Variants in SOX5 observed in about 807,000 individuals in gnomAD.
SOX5 encodes the protein transcription factor SOX-5.
Under a neutral mutation model 92.0 loss-of-function variants are expected in SOX5, and 9 were observed. That is an observed-to-expected ratio of 0.10 (90% CI 0.06 to 0.17). The LOEUF is 0.17. SOX5 is among the 10% of genes least tolerant of loss of function. SOX5 has a pLI of 1.00. For synonymous variants in SOX5, 344 were observed against 336.3 expected, an observed-to-expected ratio of 1.02 and a Z score of -0.25; for missense variants, 642 against 944.5, an observed-to-expected ratio of 0.68 and a Z score of 4.20.
chr12:23,588,324 C>G (rs1233665820), intron 9 of SOX5, among the ~76,000 whole-genome samples: 1 of 151,996 alleles, frequency 6.6e-6, no homozygotes, highest in Non-Finnish European at 1.5e-5. Flanking sequence ...TGTATCAAAG[C>G]TCTCACAGAA....
intron 4 of SOX5, among the ~76,000 whole-genome samples, chr12:24,170,436 T>A (rs1300493392): frequency 6.6e-6 from 1 of 152,136 alleles, no homozygotes; most frequent in African/African-American, 2.4e-5. Flanking sequence ...AAGTCACTGC[T>A]CTTCTCGATA....
At chr12:24,177,270 C>T (rs1375537530) in intron 4 of SOX5, among the ~76,000 whole-genome samples, 1 of 152,192 alleles carries the variant, frequency 6.6e-6, no homozygotes, top group African/African-American at 2.4e-5. Context: ...GATCCCATAG[C>T]TGGCTTATAC....
chr12:23,768,490 C>G (rs925808485), intron 3 of SOX5, among the ~76,000 whole-genome samples: 1 of 152,314 alleles, frequency 6.6e-6, no homozygotes, highest in South Asian at 2.1e-4. Context: ...AAAAACTTCA[C>G]TGGCCTCAAC....
intron 3 of SOX5, among the ~76,000 whole-genome samples, chr12:23,783,256 TC>T (rs2095317166): frequency 6.6e-6 from 1 of 152,186 alleles, no homozygotes; most frequent in African/African-American, 2.4e-5. Flanking sequence ...TTTTTTATGT[TC>T]CCCTTATAAA....
intron 6 of SOX5, among the ~76,000 whole-genome samples, chr12:23,686,098 A>T (rs551885786): frequency 1.3e-5 from 2 of 152,310 alleles, no homozygotes; most frequent in African/African-American, 4.8e-5. Context: ...CAGGTAATGA[A>T]GTGAGCTATA....
At chr12:23,554,772 C>A (rs990189854) in intron 11 of SOX5, among the ~76,000 whole-genome samples, 1 of 152,130 alleles carries the variant, frequency 6.6e-6, no homozygotes. Flanking sequence ...ATGCGACATT[C>A]CTCCTATTTT....
chr12:24,510,987 AC>A (rs1036288946), intron 1 of SOX5, among the ~76,000 whole-genome samples: 2 of 152,194 alleles, frequency 1.3e-5, no homozygotes, highest in Non-Finnish European at 2.9e-5. Flanking sequence ...GTTAATAATG[AC>A]TTGCTTCACA....
At chr12:23,896,175 A>G (rs1363933938) in intron 1 of SOX5, 151 bp from the exon 2 acceptor site, 15 of 620,382 alleles carry the variant, frequency 2.4e-5, no homozygotes, top group Non-Finnish European at 4.0e-5. Context: ...AGCACACACA[A>G]TCAGAAACAA....
chr12:24,416,056 T>C (rs1368876071), intron 1 of SOX5, among the ~76,000 whole-genome samples: 2 of 152,196 alleles, frequency 1.3e-5, no homozygotes, highest in Non-Finnish European at 2.9e-5. Flanking sequence ...ACGGGAAGAC[T>C]TGGAGCTGCA....
At chr12:23,953,823 T>C (rs1945952273), upstream of SOX5, among the ~76,000 whole-genome samples, 1 of 151,958 alleles carries the variant, frequency 6.6e-6, no homozygotes, top group East Asian at 1.9e-4. Context: ...CAATAAAAGT[T>C]TTACATTGAA....
chr12:23,659,347 G>C lies in SOX5; in HGVS notation c.931+6097C>G, dbSNP rs538229687. On this transcript the variant is annotated intron_variant, in intron 7 of 14. Coordinates refer to ENST00000451604, the MANE Select transcript of SOX5 (RefSeq NM_006940.6). The stretch of plus-strand genomic sequence containing the variant: ...GGTGTATGAGGAACTAATTAACTGA[G>C]AGTTTCCCTTTTTATTGGAAACGGA... Among the ~76,000 whole-genome samples, 25 of 152,246 alleles carry C rather than the reference G, an allele frequency of 1.6e-4. No individual in the cohort carries two copies. In the South Asian group the frequency reaches 4.8e-3, roughly 29 times the overall value.
chr12:24,239,415 T>C (rs1965142114), intron 3 of SOX5, among the ~76,000 whole-genome samples: 1 of 152,220 alleles, frequency 6.6e-6, no homozygotes, highest in African/African-American at 2.4e-5. Context: ...TACATTATTG[T>C]CTGAAACTGC....
intron 3 of SOX5, among the ~76,000 whole-genome samples, chr12:24,214,653 CCTA>C (rs1959027001): frequency 6.6e-6 from 1 of 151,876 alleles, no homozygotes; most frequent in South Asian, 2.1e-4. Context: ...TTAGGTTGGT[CCTA>C]TATTATCAAC....
intron 4 of SOX5, among the ~76,000 whole-genome samples, chr12:24,210,002 A>G (rs529677285): frequency 4.0e-4 from 52 of 128,460 alleles, no homozygotes; most frequent in South Asian, 2.5e-3. Context: ...TGGGCGACAG[A>G]GCGAGACTCC....
chr12:23,911,238 T>C (rs1465461875), intron 1 of SOX5, among the ~76,000 whole-genome samples: 2 of 152,146 alleles, frequency 1.3e-5, no homozygotes, highest in East Asian at 3.9e-4. Context: ...CAGAAATACA[T>C]GTGGATAATC....
At chr12:23,817,172 A>C (rs1178723892) in intron 3 of SOX5, among the ~76,000 whole-genome samples, 2 of 152,214 alleles carry the variant, frequency 1.3e-5, no homozygotes, top group Non-Finnish European at 2.9e-5. Context: ...TTTATTATGG[A>C]TCAGCACATG....
intron 4 of SOX5, among the ~76,000 whole-genome samples, chr12:24,071,241 G>A (rs939068876): frequency 6.6e-6 from 1 of 151,986 alleles, no homozygotes; most frequent in Admixed American, 6.6e-5. Context: ...CAAAATAACA[G>A]TGTTAATAAC....
intron 2 of SOX5, 23 bp from the exon 3 acceptor site, chr12:23,846,216 AAATAATTGTTTACCTGAAAG>A (rs1254050745): frequency 6.4e-7 from 1 of 1,561,790 alleles, no homozygotes; most frequent in African/African-American, 1.4e-5. Flanking sequence ...GCAAAATGAC[AAATAATTGTTTACCTGAAAG>A]AGAGAGCAAA....
At chr12:24,206,579 C>T (rs1281167566) in intron 4 of SOX5, among the ~76,000 whole-genome samples, 1 of 151,928 alleles carries the variant, frequency 6.6e-6, no homozygotes, top group Non-Finnish European at 1.5e-5. Context: ...AAAACATCAA[C>T]CGCCTCCCCC....
Sources: gnomAD v4.1 joint callset for allele counts (sites outside exome capture counted in the v4.1 genomes callset) on GRCh38, gnomAD v4.1.1 for gene constraint, MANE v1.5 for transcripts, NCBI Gene and HGNC (gene_info 2026-07-23, HGNC 2026-07-21) for gene names.